ETFA: variants seen among roughly 807,000 people sequenced by gnomAD.
ETFA encodes electron transfer flavoprotein subunit alpha, mitochondrial.
In ETFA, 22 loss-of-function variants were observed where a neutral mutation model predicts 46.2. The observed-to-expected ratio is 0.48, with a 90% CI of 0.34 to 0.68. The LOEUF is 0.68. ETFA is among the 30% of genes least tolerant of loss of function. The pLI is 0.01. For missense variants in ETFA, 345 were observed against 401.1 expected, an observed-to-expected ratio of 0.86 and a Z score of 1.19; for synonymous variants, 131 against 139.9, an observed-to-expected ratio of 0.94 and a Z score of 0.45.
chr15:76,306,042 T>C (rs1478613863), intron 1 of ETFA, among the ~76,000 whole-genome samples: 2 of 151,850 alleles, frequency 1.3e-5, no homozygotes, highest in Non-Finnish European at 2.9e-5. Flanking sequence ...TGTTTTTGCT[T>C]GTCAGTTTTT....
chr15:76,229,887 A>C (rs927667070), intron 10 of ETFA, among the ~76,000 whole-genome samples: 2 of 152,170 alleles, frequency 1.3e-5, no homozygotes, highest in Non-Finnish European at 2.9e-5. Context: ...TCATAATTCA[A>C]ACTATATATT....
At chr15:76,227,690 A>C (rs911714554) in intron 10 of ETFA, 3 of 389,508 alleles carry the variant, frequency 7.7e-6, no homozygotes, top group African/African-American at 6.3e-5. Flanking sequence ...AATCTCTAGA[A>C]GTAAAATTAA....
chr15:76,216,738 AACC>A, intron 11 of ETFA, 141 bp from the exon 12 acceptor site: 1 of 657,514 alleles, frequency 1.5e-6, no homozygotes, highest in Non-Finnish European at 2.8e-6. Flanking sequence ...CTCCACCAGG[AACC>A]CCCTGTTCTC....
chr15:76,300,654 C>T (rs889134425), intron 1 of ETFA, among the ~76,000 whole-genome samples: 3 of 152,172 alleles, frequency 2.0e-5, no homozygotes, highest in Admixed American at 1.3e-4. Flanking sequence ...TGTTATTCTC[C>T]CCTGCTTAAA....
In ETFA at chr15:76,231,371, C is replaced by T; in HGVS notation, c.844G>A (p.Gly282Arg). 1.2e-6 allele frequency: 2 copies of T among 1,605,118 alleles called. No homozygotes were observed. The highest frequency in any genetic ancestry group is 1.7e-6 in the Non-Finnish European group (2 of 1,171,862). The change falls in exon 10 of 12, where the codon GGA becomes AGA. Residue 282 changes from glycine (G) to arginine (R), a missense_variant. Physicochemically the swap from Gly to Arg is moderately radical, Grantham distance 125. Transcript: ENST00000557943. ...ATCCCAGCTAAATGTTGGATGGCTC[C>T]AGATATTCCAACAGCAATATAAAGT... ...PELYIAVGISGAIQHLAGMKD... is the reference protein window; with the variant it reads ...PELYIAVGISRAIQHLAGMKD...
chr15:76,309,430 G>T (rs1345505191), intron 1 of ETFA, among the ~76,000 whole-genome samples: 1 of 152,048 alleles, frequency 6.6e-6, no homozygotes, highest in Non-Finnish European at 1.5e-5. Flanking sequence ...CAGCCTGGGC[G>T]ACAGAGCGAG....
intron 9 of ETFA, among the ~76,000 whole-genome samples, chr15:76,238,653 T>C (rs924604846): frequency 6.6e-6 from 1 of 152,236 alleles, no homozygotes; most frequent in Non-Finnish European, 1.5e-5. Context: ...GAATTTATCA[T>C]AGCAAATAAT....
chr15:76,246,188 T>C (rs1324501455), intron 9 of ETFA, among the ~76,000 whole-genome samples: 1 of 152,238 alleles, frequency 6.6e-6, no homozygotes, highest in Non-Finnish European at 1.5e-5. Flanking sequence ...TTTAAAATCA[T>C]TTAATCTTTA....
chr15:76,231,050 T>C (rs2039062071), intron 10 of ETFA: 1 of 382,762 alleles, frequency 2.6e-6, no homozygotes. Flanking sequence ...ATACCCACTA[T>C]TTAGTAGACA....
At chr15:76,291,450 A>G (rs1458873063) in intron 4 of ETFA, among the ~76,000 whole-genome samples, 3 of 146,086 alleles carry the variant, frequency 2.1e-5, no homozygotes, top group African/African-American at 8.0e-5. Flanking sequence ...CATCTCGAAA[A>G]AAAAAAAAAA....
intron 10 of ETFA, chr15:76,231,108 T>A (rs1388982578): frequency 9.7e-6 from 5 of 515,760 alleles, no homozygotes. Flanking sequence ...AAGTTAGCAG[T>A]GGAGCTATAA....
chr15:76,261,112 G>C (rs1567207031), intron 9 of ETFA: 10 of 1,514,774 alleles, frequency 6.6e-6, no homozygotes, highest in Non-Finnish European at 9.2e-6. Context: ...GAAAACATGG[G>C]TGCTCTGGGT....
chr15:76,289,005 G>A (rs1352042596), intron 4 of ETFA, among the ~76,000 whole-genome samples: 1 of 139,562 alleles, frequency 7.2e-6, no homozygotes, highest in Admixed American at 8.0e-5. Context: ...CTGTAACCTT[G>A]AACTCCTGGG....
chr15:76,294,743 T>C (rs1269948228), intron 2 of ETFA, among the ~76,000 whole-genome samples: 1 of 152,138 alleles, frequency 6.6e-6, no homozygotes, highest in African/African-American at 2.4e-5. Context: ...GAGACAGGAT[T>C]TCACCATGTT....
chr15:76,249,447 T>TTC (rs2039275500), intron 9 of ETFA, among the ~76,000 whole-genome samples: 1 of 142,466 alleles, frequency 7.0e-6, no homozygotes, highest in African/African-American at 2.6e-5. Flanking sequence ...TTTTTTTTTT[T>TTC]TTTTTTTTTT....
chr15:76,259,275 A>G, intron 9 of ETFA: 1 of 1,572,128 alleles, frequency 6.4e-7, no homozygotes. Flanking sequence ...GGCGGATAGC[A>G]CAGACAGCTG....
intron 9 of ETFA, chr15:76,261,555 T>A: frequency 3.4e-6 from 2 of 595,456 alleles, no homozygotes; most frequent in Admixed American, 6.1e-5. Flanking sequence ...TTGCCGGGAC[T>A]CCCACGAGCT....
intron 11 of ETFA, among the ~76,000 whole-genome samples, chr15:76,220,919 G>A (rs555295295): frequency 6.6e-6 from 1 of 152,266 alleles, no homozygotes; most frequent in Admixed American, 6.5e-5. Flanking sequence ...CAACCTGACG[G>A]TTATTCAAAA....
intron 4 of ETFA, among the ~76,000 whole-genome samples, chr15:76,290,193 C>G (rs1427084639): frequency 2.0e-5 from 3 of 152,092 alleles, no homozygotes; most frequent in Admixed American, 2.0e-4. Context: ...CATGTTTACA[C>G]AGATACATGC....
Sources: allele counts gnomAD v4.1 joint callset (sites outside exome capture counted in the v4.1 genomes callset), GRCh38; gene constraint gnomAD v4.1.1; transcripts MANE v1.5; gene names NCBI Gene and HGNC (gene_info 2026-07-23, HGNC 2026-07-21).